HACD2: variants seen among roughly 807,000 people sequenced by gnomAD.
The protein encoded by HACD2 is very-long-chain (3R)-3-hydroxyacyl-CoA dehydratase 2.
In HACD2, 15 loss-of-function variants were observed where a neutral mutation model predicts 31.0. The ratio of observed to expected loss-of-function variants is 0.48; its 90% CI spans 0.32 to 0.75. The LOEUF (loss-of-function observed/expected upper bound fraction) is 0.75, where lower values mean the gene tolerates loss of function less well. Ranked by LOEUF, HACD2 falls within the 30% of genes least tolerant of loss-of-function variation. The pLI, the probability that HACD2 is intolerant of heterozygous loss-of-function variation, is 0.03. For missense variants in HACD2, 283 were observed against 313.0 expected, an observed-to-expected ratio of 0.90 and a Z score of 0.72; for synonymous variants, 115 against 122.2, an observed-to-expected ratio of 0.94 and a Z score of 0.39.
chr3:123,496,021 TC>T (rs2055827868), intron 6 of HACD2, among the ~76,000 whole-genome samples: 1 of 152,140 alleles, frequency 6.6e-6, no homozygotes, highest in Non-Finnish European at 1.5e-5. Context: ...AGCTCCAATC[TC>T]TATTTTATTG....
chr3:123,553,816 T>C (rs1453949606), intron 3 of HACD2, among the ~76,000 whole-genome samples: 1 of 152,118 alleles, frequency 6.6e-6, no homozygotes, highest in East Asian at 1.9e-4. Flanking sequence ...TATTTGTATC[T>C]GGCCCAAGAG....
At chr3:123,577,115 A>G (rs150967097) in intron 2 of HACD2, among the ~76,000 whole-genome samples, 181 of 152,296 alleles carry the variant, frequency 1.2e-3, no homozygotes, top group African/African-American at 4.3e-3. Context: ...CAAGTAGAAG[A>G]AAGATCTGGA....
At chr3:123,566,345 T>C (rs1401484181) in intron 3 of HACD2, among the ~76,000 whole-genome samples, 1 of 151,998 alleles carries the variant, frequency 6.6e-6, no homozygotes, top group Non-Finnish European at 1.5e-5. Flanking sequence ...AATGCAATGG[T>C]GTGATCGTGG....
In HACD2 at chr3:123,584,992, C is replaced by A; in HGVS notation, c.36G>T (p.Gly12=). The A allele has an allele frequency of 6.6e-7, 1 of 1,512,726 alleles. No individual in the cohort carries two copies. The highest frequency in any genetic ancestry group is 1.4e-5 in the African/African-American group (1 of 69,658). 93.7% of individuals were successfully genotyped at this position (1,512,726 alleles called of 1,614,324 possible). A position where few individuals can be genotyped will look rare whatever the true frequency, so the allele number is the denominator to read the frequency against. Residue 12 remains glycine (G), a synonymous_variant, in exon 1 of 7, where the codon GGG becomes GGT. Coordinates refer to ENST00000383657, the MANE Select transcript of HACD2 (RefSeq NM_198402.5). ...CGGCCCTGCCACCGCCGCCCCCATT[C>A]CCCTTCGCTGCTGCAGTCGCCGCCA... is the stretch of plus-strand genomic sequence containing the variant. The part of the protein sequence containing the change: ...AAVAATAAAK[G]NGGGGGRAGA...
At chr3:123,550,814 G>A (rs560248358) in intron 3 of HACD2, among the ~76,000 whole-genome samples, 1 of 152,350 alleles carries the variant, frequency 6.6e-6, no homozygotes. Flanking sequence ...CACTGAAGCT[G>A]TGGGAAGGTA....
chr3:123,564,504 G>C (rs1462318330), intron 3 of HACD2, among the ~76,000 whole-genome samples: 1 of 152,198 alleles, frequency 6.6e-6, no homozygotes, highest in Admixed American at 6.5e-5. Context: ...GTCATCAGCG[G>C]TGCCCCATGT....
intron 2 of HACD2, among the ~76,000 whole-genome samples, chr3:123,571,423 T>C (rs2056854826): frequency 6.6e-6 from 1 of 152,156 alleles, no homozygotes; most frequent in Admixed American, 6.5e-5. Context: ...TTAAAAGCAG[T>C]TTCCTCTGGC....
At chr3:123,540,344 A>T (rs2056474828) in intron 3 of HACD2, among the ~76,000 whole-genome samples, 1 of 152,206 alleles carries the variant, frequency 6.6e-6, no homozygotes, top group Admixed American at 6.5e-5. Flanking sequence ...GAGACCTCTT[A>T]AGGGAATGAC....
chr3:123,575,010 A>G lies in HACD2; in HGVS notation c.273+7202T>C, dbSNP rs775034936. The stretch of plus-strand genomic sequence containing the variant: ...TCTGAAATATCTTATGGGATTCCAC[A>G]TGATCACACTGCATTCTGTACCGTG... On this transcript the variant is annotated intron_variant, in intron 2 of 6. Coordinates refer to ENST00000383657, the MANE Select transcript of HACD2 (RefSeq NM_198402.5). Among the ~76,000 whole-genome samples the G allele has an allele frequency of 3.3e-4, 50 of 152,156 alleles. 1 individual carries two copies. The highest frequency in any genetic ancestry group is 2.9e-3 in the Admixed American group (45 of 15,272).
chr3:123,567,491 A>G (rs572679361), intron 3 of HACD2, among the ~76,000 whole-genome samples: 1 of 152,288 alleles, frequency 6.6e-6, no homozygotes, highest in East Asian at 1.9e-4. Context: ...TAATGTTTCT[A>G]TTACCCTTAC....
rs543956619 is a variant in HACD2, at chr3:123,516,957, T to C, written c.381+11429A>G. Among the ~76,000 whole-genome samples, 5 of 152,368 alleles carry C rather than the reference T, an allele frequency of 3.3e-5. No individual in the cohort carries two copies. In the East Asian group the frequency reaches 9.6e-4, roughly 29 times the overall value. On this transcript the variant is annotated intron_variant, in intron 4 of 6. Coordinates refer to ENST00000383657, the MANE Select transcript of HACD2 (RefSeq NM_198402.5). The stretch of plus-strand genomic sequence containing the variant: ...CAGATCTCCAGACTTCCTGGCTGCA[T>C]GTCCTGAGGCAAGTTACTTATCCTC...
chr3:123,512,956 A>G (rs2056082855), intron 4 of HACD2, among the ~76,000 whole-genome samples: 1 of 152,168 alleles, frequency 6.6e-6, no homozygotes, highest in South Asian at 2.1e-4. Context: ...CTAAGTTACC[A>G]TCCTCTACTA....
At position 123,494,964 on chromosome 3, in the gene HACD2, G is replaced by A; in HGVS notation, c.689C>T (p.Pro230Leu). The part of the protein sequence containing the change: ...LIMISYIPIF[P>L]QLYFHMIHQR... ...GTGTATCATGTGGAAGTATAACTGG[G>A]GAAAAACTGAAAAGAAAAGAAAAAT... Residue 230 changes from proline to leucine, a missense_variant, in exon 7 of 7, where the codon CCC becomes CTC. By Grantham distance (98) the Pro-to-Leu change is moderately conservative. Around this residue, in one of 3 missense-constraint regions of HACD2, gnomAD observed 40 missense variants for 35.1 expected, o/e 1.14. Coordinates refer to ENST00000383657, the MANE Select transcript of HACD2 (RefSeq NM_198402.5). The A allele has an allele frequency of 6.4e-7, 1 of 1,551,318 alleles. No individual in the cohort carries two copies. The highest frequency in any genetic ancestry group is 8.7e-7 in the Non-Finnish European group (1 of 1,145,288).
chr3:123,494,993 T>C, intron 6 of HACD2, 23 bp from the exon 7 acceptor site: 2 of 1,461,992 alleles, frequency 1.4e-6, no homozygotes, highest in Non-Finnish European at 1.9e-6. Context: ...GAAAAATTGG[T>C]TAAGAGGATG....
chr3:123,516,541 T>C (rs560847417), intron 4 of HACD2, among the ~76,000 whole-genome samples: 2 of 152,244 alleles, frequency 1.3e-5, no homozygotes, highest in South Asian at 4.1e-4. Flanking sequence ...GCCAGATTTT[T>C]AAAAAAATCC....
At position 123,494,960 on chromosome 3, in the gene HACD2, C is replaced by A. The variant is rs2055814823; in HGVS notation, c.693G>T (p.Gln231His). 1 of 1,554,088 alleles carries A rather than the reference C, an allele frequency of 6.4e-7. No individual in the cohort carries two copies. Among genetic ancestry groups the A allele is most frequent in the African/African-American group, 1.4e-5 (1 of 73,428 alleles). The change falls in exon 7 of 7, where the codon CAG (glutamine) becomes CAT (histidine). Residue 231 changes from glutamine to histidine, a missense_variant. Gln to His is a conservative substitution (Grantham distance 24, BLOSUM62 0). Coordinates refer to ENST00000383657, the MANE Select transcript of HACD2 (RefSeq NM_198402.5). Reference sequence around the variant, plus strand: ...TCTGGTGTATCATGTGGAAGTATAACTGGGGAAAAACTGAAAAGAAAAGAA... The same window carrying A: ...TCTGGTGTATCATGTGGAAGTATAAATGGGGAAAAACTGAAAAGAAAAGAA... ...IMISYIPIFP[Q>H]LYFHMIHQRR... is the part of the protein sequence containing the mutation.
intron 3 of HACD2, among the ~76,000 whole-genome samples, chr3:123,554,580 T>G (rs914884830): frequency 6.6e-6 from 1 of 152,146 alleles, no homozygotes; most frequent in Non-Finnish European, 1.5e-5. Context: ...TAACAGAGTA[T>G]GTAGCAATTA....
intron 6 of HACD2, chr3:123,499,401 A>G (rs2055875847): frequency 2.2e-5 from 5 of 227,432 alleles, no homozygotes. Context: ...TCTGGTCGCT[A>G]TGATTCCAGC....
At chr3:123,569,847 G>A (rs1165980008) in intron 2 of HACD2, among the ~76,000 whole-genome samples, 1 of 151,770 alleles carries the variant, frequency 6.6e-6, no homozygotes, top group African/African-American at 2.4e-5. Context: ...AAATTAGCTG[G>A]GCATAGTGGC....
Sources: gnomAD v4.1 joint callset for allele counts (sites outside exome capture counted in the v4.1 genomes callset) on GRCh38, gnomAD v4.1.1 for gene constraint, gnomAD v4.1.1 regional missense constraint, MANE v1.5 for transcripts, NCBI Gene and HGNC (gene_info 2026-07-23, HGNC 2026-07-21) for gene names.